Variants in ATIC observed in about 807,000 individuals in gnomAD.
ATIC encodes 5-aminoimidazole-4-carboxamide ribonucleotide formyltransferase/IMP cyclohydrolase, also known as bifunctional purine biosynthesis protein ATIC.
Under a neutral mutation model 72.5 loss-of-function variants are expected in ATIC, and 64 were observed. That is an observed-to-expected ratio of 0.88 (90% confidence interval 0.72 to 1.09). The LOEUF (loss-of-function observed/expected upper bound fraction) is 1.09, where lower values mean the gene tolerates loss of function less well. ATIC is among the 50% of genes least tolerant of loss of function. The pLI is 0.00. For missense variants in ATIC, 787 were observed against 732.4 expected, an observed-to-expected ratio of 1.07 and a Z score of -0.86; for synonymous variants, 281 against 267.1, an observed-to-expected ratio of 1.05 and a Z score of -0.51.
chr2:215,323,147 G>T (rs143121886), intron 4 of ATIC, among the ~76,000 whole-genome samples: 1 of 151,958 alleles, frequency 6.6e-6, no homozygotes, highest in Non-Finnish European at 1.5e-5. Flanking sequence ...GGGTTTCACC[G>T]TGTTCGCCAG....
chr2:215,365,410 A>T, the ATIC span: 2 of 1,328,806 alleles, frequency 1.5e-6, no homozygotes, highest in Admixed American at 1.7e-5. Flanking sequence ...AAGGAGACCT[A>T]AAGTCTCCAA....
At chr2:215,333,551 A>G (rs944871644) in intron 9 of ATIC, 94 bp downstream of exon 9, 8 of 904,692 alleles carry the variant, frequency 8.8e-6, no homozygotes, top group South Asian at 1.7e-5. Flanking sequence ...GAAAAAATAT[A>G]TAGATATTCT....
intron 14 of ATIC, chr2:215,347,369 C>T (rs2053082711): frequency 1.4e-5 from 5 of 368,818 alleles, no homozygotes; most frequent in South Asian, 1.1e-4. Flanking sequence ...CTTCTCCCAC[C>T]ACATTTTCTA....
Position 215,312,099 on chromosome 2 carries a change from G to C in ATIC, c.-44G>C. On this transcript the variant is annotated 5_prime_UTR_variant, in exon 1 of 16. Coordinates refer to ENST00000236959, the MANE Select transcript of ATIC (RefSeq NM_004044.7). ...CCCTCCTACCTGCGCACGTGGTGCC[G>C]CCGCTGCTGCCTCCCGCTCGCCCTG... The C allele has an allele frequency of 6.5e-7, 1 of 1,529,942 alleles. No homozygotes were observed. The highest frequency in any genetic ancestry group is 8.7e-7 in the Non-Finnish European group (1 of 1,144,690). 94.8% of individuals were successfully genotyped at this position (1,529,942 alleles called of 1,614,324 possible).
At chr2:215,356,326 A>G in the ATIC span, among the ~76,000 whole-genome samples, 1 of 152,336 alleles carries the variant, frequency 6.6e-6, no homozygotes, top group East Asian at 1.9e-4. Context: ...ATTTTGTTTC[A>G]GGTTCCAAAT....
the ATIC span, chr2:215,364,310 C>A: frequency 7.5e-6 from 1 of 133,852 alleles, no homozygotes; most frequent in Non-Finnish European, 1.5e-5. Context: ...AGATATTATT[C>A]AAAATATTTA....
chr2:215,336,985 G>A (rs1047582994), intron 11 of ATIC, among the ~76,000 whole-genome samples: 11 of 152,120 alleles, frequency 7.2e-5, no homozygotes, highest in Non-Finnish European at 1.5e-4. Flanking sequence ...TTAACATTGT[G>A]TGTGGTATGA....
the ATIC span, among the ~76,000 whole-genome samples, chr2:215,366,898 C>T: frequency 6.6e-6 from 1 of 152,328 alleles, no homozygotes; most frequent in African/African-American, 2.4e-5. Context: ...AGCTCCTAAA[C>T]AGCATGTGAT....
At chr2:215,326,767 T>C (rs978670283) in intron 6 of ATIC, 55 bp from the exon 7 acceptor site, 14 of 1,608,204 alleles carry the variant, frequency 8.7e-6, no homozygotes, top group African/African-American at 1.3e-5. Context: ...AAAACCATCT[T>C]GTCCCCACTT....
intron 7 of ATIC, among the ~76,000 whole-genome samples, 181 bp from the exon 8 acceptor site, chr2:215,332,201 A>G (rs954640634): frequency 1.3e-5 from 2 of 149,730 alleles, no homozygotes; most frequent in Admixed American, 6.7e-5. Flanking sequence ...TTTTTTTTAA[A>G]GATGGGCTCA....
chr2:215,327,929 G>A (rs1195726758), intron 7 of ATIC, among the ~76,000 whole-genome samples: 1 of 148,670 alleles, frequency 6.7e-6, no homozygotes, highest in African/African-American at 2.5e-5. Context: ...ACGGAGTCTC[G>A]CTCTGTCACC....
At chr2:215,362,456 T>A in the ATIC span, 2 of 276,954 alleles carry the variant, frequency 7.2e-6, no homozygotes, top group Non-Finnish European at 1.4e-5. Flanking sequence ...TGAGATCACA[T>A]GAAGAAACGT....
chr2:215,351,654 GAATA>G (rs2053131706), downstream of ATIC, among the ~76,000 whole-genome samples: 1 of 152,120 alleles, frequency 6.6e-6, no homozygotes, highest in African/African-American at 2.4e-5. Context: ...CATAGATGAA[GAATA>G]AATAAGTGGA....
chr2:215,348,898 C>T (rs1020787239), intron 14 of ATIC, 196 bp from the exon 15 acceptor site: 8 of 355,510 alleles, frequency 2.3e-5, no homozygotes, highest in Middle Eastern at 9.0e-4. Context: ...GTGGAGGTTG[C>T]GGTGAGCCGA....
chr2:215,313,706 T>A (rs1041020142), intron 2 of ATIC, among the ~76,000 whole-genome samples: 1 of 152,206 alleles, frequency 6.6e-6, no homozygotes. Flanking sequence ...AGTTCCCAGC[T>A]ATGTGAGCAG....
intron 1 of ATIC, 58 bp from the exon 2 acceptor site, chr2:215,312,440 C>G: frequency 3.1e-6 from 5 of 1,613,676 alleles, no homozygotes; most frequent in Non-Finnish European, 4.2e-6. Context: ...CTCCCAAGGC[C>G]TTGCAGAACA....
intron 12 of ATIC, among the ~76,000 whole-genome samples, chr2:215,341,273 G>C (rs2053015941): frequency 6.6e-6 from 1 of 152,190 alleles, no homozygotes; most frequent in Non-Finnish European, 1.5e-5. Flanking sequence ...GTTGGTTCAT[G>C]TACTTTGAAA....
chr2:215,359,413 T>C, the ATIC span, among the ~76,000 whole-genome samples: 3 of 152,282 alleles, frequency 2.0e-5, no homozygotes, highest in Admixed American at 6.5e-5. Context: ...CCACAGTGTG[T>C]AGATTGGCAT....
the ATIC span, chr2:215,361,171 G>A: frequency 1.3e-4 from 32 of 244,376 alleles, no homozygotes; most frequent in African/African-American, 6.3e-4. Context: ...AGACACTTAA[G>A]TGAAAGCAGA....
Sources: gnomAD v4.1 joint callset for allele counts (sites outside exome capture counted in the v4.1 genomes callset) on GRCh38, gnomAD v4.1.1 for gene constraint, MANE v1.5 for transcripts, NCBI Gene and HGNC (gene_info 2026-07-23, HGNC 2026-07-21) for gene names.